ARNT2: variants seen among roughly 807,000 people sequenced by gnomAD.
ARNT2 encodes the protein ARNT protein 2.
A neutral mutation model predicts 91.7 loss-of-function variants in ARNT2; 36 were observed. The observed-to-expected ratio is 0.39, with a 90% CI of 0.30 to 0.52. The LOEUF is 0.52. Among genes scored for constraint, ARNT2 ranks in the 20% least tolerant of loss-of-function variants. The pLI is 0.72. For missense variants in ARNT2, 775 were observed against 939.3 expected (o/e 0.83, Z 2.29); for synonymous variants, 365 against 347.1 (o/e 1.05, Z -0.57).
intron 8 of ARNT2, among the ~76,000 whole-genome samples, chr15:80,533,089 A>C (rs906260701): frequency 6.6e-6 from 1 of 152,218 alleles, no homozygotes; most frequent in Non-Finnish European, 1.5e-5. Context: ...CTGTTGGAGA[A>C]AGGAGCAGCC....
At chr15:80,491,670 T>G (rs1897058432) in intron 5 of ARNT2, among the ~76,000 whole-genome samples, 1 of 152,076 alleles carries the variant, frequency 6.6e-6, no homozygotes, top group South Asian at 2.1e-4. Flanking sequence ...ACTGTTCTGG[T>G]TGCTGGAAGG....
chr15:80,524,703 T>C (rs143880877), intron 8 of ARNT2, among the ~76,000 whole-genome samples: 1,851 of 152,006 alleles, frequency 0.012, 22 homozygotes, highest in African/African-American at 0.041. Context: ...GGTGAAACCC[T>C]GTCTCTATTA....
At chr15:80,580,300 TG>T in intron 15 of ARNT2, 110 bp from the exon 16 acceptor site, 1 of 1,360,160 alleles carries the variant, frequency 7.4e-7, no homozygotes, top group Non-Finnish European at 1.0e-6. Context: ...ACGTGCTGCA[TG>T]GAGAGAGAGC....
At chr15:80,505,071 A>G (rs981978126) in intron 5 of ARNT2, among the ~76,000 whole-genome samples, 2 of 152,200 alleles carry the variant, frequency 1.3e-5, no homozygotes, top group South Asian at 4.1e-4. Context: ...CATTTGATCT[A>G]AGCCTGCCAG....
chr15:80,505,155 A>C (rs191810478), intron 5 of ARNT2, among the ~76,000 whole-genome samples: 38 of 152,346 alleles, frequency 2.5e-4, no homozygotes, highest in Non-Finnish European at 1.3e-4. Flanking sequence ...TCCTGAAAGC[A>C]AGATCTTGCT....
At chr15:80,538,859 T>C (rs1320232637) in intron 8 of ARNT2, among the ~76,000 whole-genome samples, 2 of 151,946 alleles carry the variant, frequency 1.3e-5, no homozygotes, top group South Asian at 2.1e-4. Flanking sequence ...TTAAAAAGAA[T>C]GAAAATAAAT....
chr15:80,523,023 A>G (rs1353205237), intron 8 of ARNT2, among the ~76,000 whole-genome samples: 1 of 152,042 alleles, frequency 6.6e-6, no homozygotes, highest in African/African-American at 2.4e-5. Flanking sequence ...AATTTCTCAG[A>G]GCCAGGGAGT....
intron 12 of ARNT2, among the ~76,000 whole-genome samples, chr15:80,570,196 G>A (rs963043343): frequency 3.3e-5 from 5 of 152,204 alleles, no homozygotes; most frequent in Non-Finnish European, 5.9e-5. Context: ...CATGTCACCC[G>A]GATGTACCCT....
chr15:80,551,334 A>G, intron 9 of ARNT2, 59 bp downstream of exon 9: 1 of 1,500,144 alleles, frequency 6.7e-7, no homozygotes, highest in Non-Finnish European at 9.3e-7. Flanking sequence ...CACAAAGTGC[A>G]GAAGACTGTC....
At chr15:80,491,591 A>C (rs1400256861) in intron 5 of ARNT2, among the ~76,000 whole-genome samples, 5 of 152,150 alleles carry the variant, frequency 3.3e-5, no homozygotes, top group Non-Finnish European at 7.3e-5. Flanking sequence ...CTTGGAATTT[A>C]CTGTTAGTGC....
Position 80,433,233 on chromosome 15 carries a change from A to ATTTATTTTATTTTATTTTATTTTTAT in ARNT2, c.32-17624_32-17623insTATTTTATTTTATTTTATTTTATTTT, listed in dbSNP as rs1336148426. Among the ~76,000 whole-genome samples the ATTTATTTTATTTTATTTTATTTTTAT allele has an allele frequency of 8.3e-4, 79 of 95,564 alleles. 2 individuals carry two copies. In the South Asian group the frequency reaches 8.7e-3, roughly 11 times the overall value. 62.7% of individuals were successfully genotyped at this position (95,564 alleles called of 152,430 possible). A position where few individuals can be genotyped will look rare whatever the true frequency, so the allele number is the denominator to read the frequency against. ...CTTTTTAGAAAAGGCACTATATTTT[A>ATTTATTTTATTTTATTTTATTTTTAT]TTTATTTTATTTTATTTTATTTTAT... On this transcript the variant is annotated intron_variant, in intron 1 of 18. Coordinates refer to ENST00000303329, the MANE Select transcript of ARNT2 (RefSeq NM_014862.4).
chr15:80,488,518 T>C (rs1334766204), intron 5 of ARNT2: 1 of 152,208 alleles, frequency 6.6e-6, no homozygotes, highest in Non-Finnish European at 1.5e-5. Flanking sequence ...ACAGTGGTTC[T>C]CAATCTCATT....
At chr15:80,459,911 G>C (rs1896529414) in intron 3 of ARNT2, among the ~76,000 whole-genome samples, 1 of 152,218 alleles carries the variant, frequency 6.6e-6, no homozygotes, top group African/African-American at 2.4e-5. Flanking sequence ...ATGGGCCCAT[G>C]GTTGCATCTG....
intron 1 of ARNT2, among the ~76,000 whole-genome samples, chr15:80,439,244 T>C (rs1896147536): frequency 1.3e-5 from 2 of 152,300 alleles, no homozygotes; most frequent in East Asian, 1.9e-4. Context: ...AATAAGTTCA[T>C]GTGGCATGGC....
At chr15:80,513,721 CAAAAA>C (rs36113299) in intron 6 of ARNT2, among the ~76,000 whole-genome samples, 185 bp from the exon 7 acceptor site, 2 of 100,940 alleles carry the variant, frequency 2.0e-5, no homozygotes, top group Non-Finnish European at 3.9e-5. Flanking sequence ...TCTTCAGTCA[CAAAAA>C]AAAAAAAAAA....
At chr15:80,578,310 C>T (rs1898721162) in intron 15 of ARNT2, among the ~76,000 whole-genome samples, 1 of 152,034 alleles carries the variant, frequency 6.6e-6, no homozygotes. Flanking sequence ...TGCCTCCTGA[C>T]CAGGGCAGGG....
chr15:80,575,632 G>A (rs1238427011), intron 14 of ARNT2, among the ~76,000 whole-genome samples: 3 of 152,222 alleles, frequency 2.0e-5, no homozygotes, highest in African/African-American at 7.2e-5. Flanking sequence ...GAGCCTGTGG[G>A]TGAGACGACT....
At chr15:80,540,901 TG>T (rs2141449250) in intron 8 of ARNT2, among the ~76,000 whole-genome samples, 2 of 152,328 alleles carry the variant, frequency 1.3e-5, no homozygotes, top group Non-Finnish European at 2.9e-5. Flanking sequence ...CCACTCTAGA[TG>T]GGCACCTAGA....
At chr15:80,518,274 A>ATTTTTTTTTTTTTTTTTTTT (rs1897475018) in intron 8 of ARNT2, among the ~76,000 whole-genome samples, 1 of 83,116 alleles carries the variant, frequency 1.2e-5, no homozygotes. Flanking sequence ...TTCTTTTTCT[A>ATTTTTTTTTTTTTTTTTTTT]TTCTTTTTTT....
Sources: allele counts gnomAD v4.1 joint callset (sites outside exome capture counted in the v4.1 genomes callset), GRCh38; gene constraint gnomAD v4.1.1; transcripts MANE v1.5; gene names NCBI Gene and HGNC (gene_info 2026-07-23, HGNC 2026-07-21).